The following M1AP variants were observed in gnomAD, a reference collection of about 807,000 sequenced individuals.
M1AP encodes the protein meiosis 1 associated protein.
A neutral mutation model predicts 51.2 loss-of-function variants in M1AP; 39 were observed. The ratio of observed to expected loss-of-function variants is 0.76; its 90% CI spans 0.59 to 1.00. The LOEUF (loss-of-function observed/expected upper bound fraction) is 1.00, where lower values mean the gene tolerates loss of function less well. Ranked by LOEUF, M1AP falls within the 50% of genes least tolerant of loss-of-function variation. The pLI, the probability that M1AP is intolerant of heterozygous loss-of-function variation, is 0.00. For synonymous variants in M1AP, 251 were observed against 249.2 expected, an observed-to-expected ratio of 1.01 and a Z score of -0.07; for missense variants, 545 against 641.2, an observed-to-expected ratio of 0.85 and a Z score of 1.62.
At chr2:74,624,385 T>C (rs1359661552) in intron 2 of M1AP, among the ~76,000 whole-genome samples, 1 of 152,228 alleles carries the variant, frequency 6.6e-6, no homozygotes, top group Admixed American at 6.5e-5. Flanking sequence ...TGACAAAATC[T>C]TCAAGAATTC....
rs149663956 is a variant in M1AP, at chr2:74,558,231, G to A, written c.*485C>T. ...TAGGTACCAAGCACTTGTCTCTTTG[G>A]AGGCTGAAGCCTGGTGGTGTAGTGG... On this transcript the variant is annotated 3_prime_UTR_variant, in exon 11 of 11. Coordinates refer to ENST00000421985, the MANE Select transcript of M1AP (RefSeq NM_001321739.2). 6.2e-6 allele frequency: 1 copy of A among 160,106 alleles called. No individual in the cohort carries two copies. Among genetic ancestry groups the A allele is most frequent in the East Asian group, 1.9e-4 (1 of 5,234 alleles). The allele number at this position is 160,106 out of a possible 1,614,324, so 9.9% of individuals were successfully genotyped here.
At chr2:74,575,661 C>G in intron 6 of M1AP, 82 bp from the exon 7 acceptor site, 1 of 1,092,482 alleles carries the variant, frequency 9.2e-7, no homozygotes, top group Non-Finnish European at 1.4e-6. Context: ...CAGCTTAACT[C>G]TAAGACAGTA....
intron 4 of M1AP, among the ~76,000 whole-genome samples, chr2:74,590,952 C>T (rs1210958593): frequency 1.3e-5 from 2 of 152,234 alleles, no homozygotes; most frequent in Non-Finnish European, 2.9e-5. Flanking sequence ...CTGGTGCTTA[C>T]TTTCTCTGTG....
intron 1 of M1AP, among the ~76,000 whole-genome samples, chr2:74,642,082 G>A (rs1016421334): frequency 4.6e-5 from 7 of 151,828 alleles, no homozygotes; most frequent in Non-Finnish European, 5.9e-5. Flanking sequence ...TGCCCGCCTC[G>A]GCCTCCCAAA....
chr2:74,566,063 C>A (rs1487745197), intron 7 of M1AP, among the ~76,000 whole-genome samples: 1 of 152,132 alleles, frequency 6.6e-6, no homozygotes, highest in African/African-American at 2.4e-5. Flanking sequence ...TACTTCTATT[C>A]ACTATTGTCC....
chr2:74,612,833 T>C (rs1681447916), intron 3 of M1AP, among the ~76,000 whole-genome samples: 1 of 152,208 alleles, frequency 6.6e-6, no homozygotes, highest in Non-Finnish European at 1.5e-5. Flanking sequence ...GGTGTCTGAC[T>C]TTAAGAAATT....
intron 2 of M1AP, chr2:74,628,353 C>T (rs363701): frequency 0.045 from 16,772 of 375,882 alleles, 1,673 homozygotes; most frequent in African/African-American, 0.26. Context: ...TCCAGTGTTT[C>T]GTCTTAAAAA....
At chr2:74,626,323 T>C (rs957798308) in intron 2 of M1AP, among the ~76,000 whole-genome samples, 4 of 150,768 alleles carry the variant, frequency 2.7e-5, no homozygotes, top group Non-Finnish European at 5.9e-5. Context: ...GCAGTAGTGA[T>C]GCAATCATAG....
At position 74,594,122 on chromosome 2, in the gene M1AP, G is replaced by C. The variant is rs200697761; in HGVS notation, c.596-12275C>G. 1.2e-4 allele frequency among the ~76,000 whole-genome samples: 19 copies of C among 152,260 alleles called. No homozygotes were observed. The East Asian group carries it at 3.7e-3, about 29-fold the overall frequency. On this transcript the variant is annotated intron_variant, in intron 4 of 10. Coordinates refer to ENST00000421985, the MANE Select transcript of M1AP (RefSeq NM_001321739.2). ...TCCCTGCTCACTGCAGGCACAACAGGTTGCAGTTTGAGTTTAACAAAGTTA... is the reference window on the plus strand; with the variant it reads ...TCCCTGCTCACTGCAGGCACAACAGCTTGCAGTTTGAGTTTAACAAAGTTA...
intron 1 of M1AP, among the ~76,000 whole-genome samples, chr2:74,644,584 A>G (rs969941688): frequency 8.6e-5 from 13 of 151,982 alleles, no homozygotes; most frequent in African/African-American, 3.1e-4. Flanking sequence ...CCCCAAATGA[A>G]TCAGTGAAGT....
intron 2 of M1AP, chr2:74,619,350 T>G (rs1681866110): frequency 5.1e-6 from 1 of 195,958 alleles, no homozygotes; most frequent in Non-Finnish European, 1.1e-5. Context: ...GAATATGCAC[T>G]CACATTACCA....
At chr2:74,563,417 G>A (rs1678164300) in intron 7 of M1AP, among the ~76,000 whole-genome samples, 1 of 151,838 alleles carries the variant, frequency 6.6e-6, no homozygotes, top group Non-Finnish European at 1.5e-5. Flanking sequence ...TGACTAACAT[G>A]GTGAAACTCC....
rs1289132639 is a variant in M1AP, at chr2:74,596,227, G to A, written c.595+10828C>T. 2.6e-5 allele frequency among the ~76,000 whole-genome samples: 4 copies of A among 152,136 alleles called. No individual in the cohort carries two copies. In the East Asian group the frequency reaches 5.8e-4, roughly 22 times the overall value. ...AGCTATATGCTGTCTATAAGAGAGA[G>A]ACTTTAAGTATAAAGACATAAATGA... On this transcript the variant is annotated intron_variant, in intron 4 of 10. Coordinates refer to ENST00000421985, the MANE Select transcript of M1AP (RefSeq NM_001321739.2).
intron 2 of M1AP, among the ~76,000 whole-genome samples, chr2:74,630,634 C>T (rs1682650469): frequency 6.6e-6 from 1 of 152,186 alleles, no homozygotes; most frequent in Non-Finnish European, 1.5e-5. Flanking sequence ...CTTCCAGCTT[C>T]CTCCATGTCC....
intron 1 of M1AP, among the ~76,000 whole-genome samples, chr2:74,646,831 T>C (rs570128882): frequency 2.0e-5 from 3 of 152,320 alleles, no homozygotes; most frequent in Admixed American, 1.3e-4. Context: ...TTCCCATTGG[T>C]GTTTAAGATC....
chr2:74,597,699 G>A (rs1035782782), intron 4 of M1AP, among the ~76,000 whole-genome samples: 7 of 152,218 alleles, frequency 4.6e-5, no homozygotes, highest in African/African-American at 9.6e-5. Context: ...ATGACTGAGA[G>A]ATGTAGACTA....
intron 4 of M1AP, among the ~76,000 whole-genome samples, chr2:74,590,171 C>A (rs1279791912): frequency 6.6e-6 from 1 of 152,154 alleles, no homozygotes; most frequent in African/African-American, 2.4e-5. Context: ...AAATATATTT[C>A]TCACCGTTTT....
At chr2:74,592,179 T>A (rs1680086061) in intron 4 of M1AP, among the ~76,000 whole-genome samples, 1 of 152,074 alleles carries the variant, frequency 6.6e-6, no homozygotes, top group Non-Finnish European at 1.5e-5. Flanking sequence ...ATACATGCAT[T>A]TTTGTAGATC....
intron 4 of M1AP, among the ~76,000 whole-genome samples, chr2:74,597,319 AT>A (rs1213812270): frequency 2.0e-5 from 3 of 152,206 alleles, no homozygotes; most frequent in Non-Finnish European, 4.4e-5. Flanking sequence ...AGTGGTTCTA[AT>A]TTAGTCTTAA....
Sources: gnomAD v4.1 joint callset for allele counts (sites outside exome capture counted in the v4.1 genomes callset) on GRCh38, gnomAD v4.1.1 for gene constraint, MANE v1.5 for transcripts, NCBI Gene and HGNC (gene_info 2026-07-23, HGNC 2026-07-21) for gene names.